The following NKAIN2 variants were observed in gnomAD, a reference collection of about 807,000 sequenced individuals.
NKAIN2 encodes the protein sodium/potassium transporting ATPase interacting 2.
NKAIN2 carries 14 observed loss-of-function variants against 32.6 expected under a neutral mutation model. That is an observed-to-expected ratio of 0.43 (90% confidence interval 0.28 to 0.67). The LOEUF (loss-of-function observed/expected upper bound fraction) is 0.67. Ranked by LOEUF, NKAIN2 falls within the 30% of genes least tolerant of loss-of-function variation. NKAIN2 has a pLI of 0.17. For synonymous variants in NKAIN2, 80 were observed against 87.2 expected (o/e 0.92, Z 0.46); for missense variants, 198 against 258.3 (o/e 0.77, Z 1.60).
At chr6:123,883,527 T>C (rs1199258531) in intron 1 of NKAIN2, among the ~76,000 whole-genome samples, 2 of 151,900 alleles carry the variant, frequency 1.3e-5, no homozygotes, top group African/African-American at 4.8e-5. Context: ...GCTCCAGCCA[T>C]GTAAGATGTG....
intron 3 of NKAIN2, among the ~76,000 whole-genome samples, chr6:124,591,447 A>G (rs1314791353): frequency 6.6e-6 from 1 of 152,020 alleles, no homozygotes; most frequent in Non-Finnish European, 1.5e-5. Flanking sequence ...TCAAACCAGT[A>G]TGTTCTTTTG....
intron 3 of NKAIN2, among the ~76,000 whole-genome samples, chr6:124,463,993 T>A (rs192129169): frequency 4.1e-4 from 63 of 152,204 alleles, no homozygotes; most frequent in African/African-American, 1.5e-3. Context: ...TTTGTTTTGT[T>A]ATGCTTTGTG....
chr6:124,091,700 T>C (rs1386211963), intron 1 of NKAIN2, among the ~76,000 whole-genome samples: 2 of 151,950 alleles, frequency 1.3e-5, no homozygotes, highest in African/African-American at 4.8e-5. Context: ...TTCCACACTT[T>C]GCCTCATTTC....
chr6:124,243,252 T>C (rs899520560), intron 1 of NKAIN2, among the ~76,000 whole-genome samples: 3 of 151,940 alleles, frequency 2.0e-5, no homozygotes, highest in African/African-American at 7.3e-5. Context: ...CCCAGCACTT[T>C]GGGAGGCCCA....
At chr6:124,598,729 C>T (rs1385189641) in intron 3 of NKAIN2, among the ~76,000 whole-genome samples, 1 of 151,456 alleles carries the variant, frequency 6.6e-6, no homozygotes, top group African/African-American at 2.4e-5. Flanking sequence ...GCCCATAGCA[C>T]TTAAGAACCT....
chr6:124,367,711 G>A (rs911960), intron 3 of NKAIN2, among the ~76,000 whole-genome samples: 129,849 of 152,040 alleles, frequency 0.85, 55,689 homozygotes, highest in African/African-American at 0.93. Flanking sequence ...GGCACAAGGT[G>A]AGTTCTTGAT....
chr6:124,210,339 A>AG (rs1791107224), intron 1 of NKAIN2, among the ~76,000 whole-genome samples: 1 of 151,986 alleles, frequency 6.6e-6, no homozygotes, highest in Non-Finnish European at 1.5e-5. Context: ...GATTACTATA[A>AG]CTATGTAGTA....
chr6:123,995,391 T>A (rs1173236763), intron 1 of NKAIN2, among the ~76,000 whole-genome samples: 1 of 152,160 alleles, frequency 6.6e-6, no homozygotes, highest in Non-Finnish European at 1.5e-5. Flanking sequence ...AACTTGCACA[T>A]GCTTTAAGTA....
intron 1 of NKAIN2, among the ~76,000 whole-genome samples, chr6:124,129,450 A>T (rs918241570): frequency 5.3e-5 from 8 of 152,192 alleles, no homozygotes; most frequent in African/African-American, 1.9e-4. Flanking sequence ...AATGGCTATT[A>T]TTGGAATGTC....
At chr6:123,882,305 G>A (rs1773491321) in intron 1 of NKAIN2, among the ~76,000 whole-genome samples, 1 of 152,038 alleles carries the variant, frequency 6.6e-6, no homozygotes, top group Non-Finnish European at 1.5e-5. Flanking sequence ...TAGATATAAG[G>A]TTGAAAAAGA....
intron 1 of NKAIN2, among the ~76,000 whole-genome samples, chr6:124,268,043 T>C (rs903047637): frequency 5.9e-5 from 9 of 152,202 alleles, no homozygotes; most frequent in African/African-American, 1.9e-4. Context: ...TTTAAAACCT[T>C]ATTTTTCCAC....
intron 1 of NKAIN2, among the ~76,000 whole-genome samples, chr6:124,190,820 A>G (rs1789980941): frequency 6.6e-6 from 1 of 152,148 alleles, no homozygotes; most frequent in Admixed American, 6.5e-5. Context: ...TTGTTAGATA[A>G]TATGTGGTCT....
chr6:124,454,739 G>A (rs1393443676), intron 3 of NKAIN2, among the ~76,000 whole-genome samples: 4 of 152,054 alleles, frequency 2.6e-5, no homozygotes, highest in Admixed American at 2.6e-4. Flanking sequence ...CCCATGAGTG[G>A]AAGAAGGGTG....
chr6:124,568,320 A>C (rs531893691), intron 3 of NKAIN2, among the ~76,000 whole-genome samples: 5 of 152,234 alleles, frequency 3.3e-5, no homozygotes, highest in South Asian at 4.1e-4. Flanking sequence ...GGCCCTTACA[A>C]ATTTAACAAA....
intron 4 of NKAIN2, among the ~76,000 whole-genome samples, chr6:124,709,151 G>C (rs1331067874): frequency 1.4e-5 from 2 of 142,270 alleles, no homozygotes; most frequent in African/African-American, 2.6e-5. Flanking sequence ...TTATTGATTT[G>C]TGTATATTGA....
intron 1 of NKAIN2, among the ~76,000 whole-genome samples, chr6:123,821,668 A>C (rs1773928277): frequency 6.6e-6 from 1 of 152,242 alleles, no homozygotes; most frequent in South Asian, 2.1e-4. Flanking sequence ...GTTTGAAACC[A>C]CTGTGGGTGT....
rs545404061 is a variant in NKAIN2 at position 124,773,076 on chromosome 6, G to A, written c.475-18263G>A. On this transcript the variant is annotated intron_variant, in intron 4 of 6. Coordinates refer to ENST00000368417, the MANE Select transcript of NKAIN2 (RefSeq NM_001040214.3). ...GGGATGTGAGAACTGCAAGACCCCA[G>A]AGGCTTTTTAGTGGTGTTGGAACTT... Among the ~76,000 whole-genome samples the A allele has an allele frequency of 2.8e-4, 42 of 152,324 alleles. 1 individual carries two copies. The South Asian group carries it at 5.6e-3, about 20-fold the overall frequency.
intron 4 of NKAIN2, among the ~76,000 whole-genome samples, chr6:124,727,544 G>C (rs1020085082): frequency 2.6e-5 from 4 of 151,624 alleles, no homozygotes; most frequent in African/African-American, 9.7e-5. Context: ...CCCTAAAAGA[G>C]CTCCTGAAGG....
chr6:124,389,697 C>A (rs1286657993), intron 3 of NKAIN2, among the ~76,000 whole-genome samples: 1 of 145,214 alleles, frequency 6.9e-6, no homozygotes, highest in Non-Finnish European at 1.5e-5. Flanking sequence ...TCTCTCCTTT[C>A]CTCATCTCTG....
Sources: gnomAD v4.1 joint callset for allele counts (sites outside exome capture counted in the v4.1 genomes callset) on GRCh38, gnomAD v4.1.1 for gene constraint, MANE v1.5 for transcripts, NCBI Gene and HGNC (gene_info 2026-07-23, HGNC 2026-07-21) for gene names.